OXSR1: variants seen among roughly 807,000 people sequenced by gnomAD.
The protein encoded by OXSR1 is oxidative stress responsive kinase 1, also known as serine/threonine-protein kinase OSR1.
In OXSR1, 24 loss-of-function variants were observed where a neutral mutation model predicts 79.8. The observed-to-expected ratio is 0.30, with a 90% confidence interval of 0.22 to 0.42. The LOEUF (loss-of-function observed/expected upper bound fraction) is 0.42. Ranked by LOEUF, OXSR1 falls within the 10% of genes least tolerant of loss-of-function variation. OXSR1 has a pLI of 1.00. For missense variants in OXSR1, 430 were observed against 618.4 expected, an observed-to-expected ratio of 0.70 and a Z score of 3.23; for synonymous variants, 226 against 209.2, an observed-to-expected ratio of 1.08 and a Z score of -0.69.
rs1701443313 is a variant in OXSR1 at position 38,165,966 on chromosome 3, A to AG, written c.70+26dup. ...TGATCGGTGAGAGCAGGCGCTGCGGAGGGGGGAGGCGCGGCGCTGGGAGGC... is the reference window on the plus strand; with the variant it reads ...TGATCGGTGAGAGCAGGCGCTGCGGAGGGGGGGAGGCGCGGCGCTGGGAGGC... On this transcript the variant is annotated intron_variant, in intron 1 of 17. Coordinates refer to ENST00000311806, the MANE Select transcript of OXSR1 (RefSeq NM_005109.3). The AG allele has an allele frequency of 1.3e-6, 2 of 1,598,616 alleles. No homozygotes were observed. The highest frequency in any genetic ancestry group is 3.4e-5 in the Admixed American group (2 of 59,500).
intron 1 of OXSR1, among the ~76,000 whole-genome samples, chr3:38,171,422 A>G (rs1370206437): frequency 6.6e-6 from 1 of 152,242 alleles, no homozygotes; most frequent in East Asian, 1.9e-4. Flanking sequence ...TTGTTTTCAA[A>G]GGATTGTATT....
chr3:38,241,610 T>TAGAA (rs1400290269), intron 11 of OXSR1, among the ~76,000 whole-genome samples: 55 of 152,116 alleles, frequency 3.6e-4, no homozygotes, highest in African/African-American at 1.3e-3. Context: ...AAAATATATT[T>TAGAA]AGAAAGAGAA....
At chr3:38,241,571 T>C (rs1486811822) in intron 11 of OXSR1, among the ~76,000 whole-genome samples, 1 of 152,098 alleles carries the variant, frequency 6.6e-6, no homozygotes, top group Admixed American at 6.6e-5. Flanking sequence ...AGCCATGATA[T>C]ATGCAACTTA....
intron 10 of OXSR1, among the ~76,000 whole-genome samples, chr3:38,234,450 A>C (rs1702877354): frequency 6.6e-6 from 1 of 152,230 alleles, no homozygotes; most frequent in African/African-American, 2.4e-5. Flanking sequence ...TCTGAATAGA[A>C]ACTTCTTGAA....
chr3:38,205,552 A>G (rs1702250089), intron 4 of OXSR1, among the ~76,000 whole-genome samples: 2 of 152,164 alleles, frequency 1.3e-5, no homozygotes, highest in Non-Finnish European at 2.9e-5. Flanking sequence ...GGCCAAGAAT[A>G]TGTTCGTCTC....
intron 1 of OXSR1, among the ~76,000 whole-genome samples, chr3:38,178,620 ATTTTTT>A (rs71085303): frequency 3.0e-3 from 286 of 95,098 alleles, no homozygotes; most frequent in African/African-American, 0.012. Flanking sequence ...ATATATATAT[ATTTTTT>A]TTTTTTTTTT....
intron 4 of OXSR1, among the ~76,000 whole-genome samples, chr3:38,206,584 C>T (rs2125825403): frequency 6.6e-6 from 1 of 150,914 alleles, no homozygotes; most frequent in South Asian, 2.1e-4. Flanking sequence ...TATAGAAACT[C>T]TAGATATGTA....
intron 14 of OXSR1, among the ~76,000 whole-genome samples, chr3:38,249,631 C>T (rs1342794009): frequency 6.6e-6 from 1 of 152,100 alleles, no homozygotes; most frequent in African/African-American, 2.4e-5. Flanking sequence ...ATTTTAATCA[C>T]ACCTCCCTGT....
At chr3:38,198,579 T>C in intron 3 of OXSR1, 143 bp from the exon 4 acceptor site, 1 of 558,268 alleles carries the variant, frequency 1.8e-6, no homozygotes, top group Non-Finnish European at 3.1e-6. Context: ...TTTAAACTTC[T>C]GTATTTCCTC....
chr3:38,174,053 A>G (rs1353473969), intron 1 of OXSR1, among the ~76,000 whole-genome samples: 1 of 152,226 alleles, frequency 6.6e-6, no homozygotes, highest in Non-Finnish European at 1.5e-5. Flanking sequence ...CTGAAGCAGA[A>G]GCATGCTAAT....
At chr3:38,203,278 G>A (rs373773467) in intron 4 of OXSR1, among the ~76,000 whole-genome samples, 18 of 152,144 alleles carry the variant, frequency 1.2e-4, no homozygotes, top group African/African-American at 4.1e-4. Flanking sequence ...TTATCACTTA[G>A]AAGATTCACC....
chr3:38,252,612 A>G (rs1703280929), intron 17 of OXSR1, among the ~76,000 whole-genome samples: 1 of 151,998 alleles, frequency 6.6e-6, no homozygotes. Context: ...TTGGCTATTC[A>G]TAAGAGAAAC....
chr3:38,217,583 A>G (rs1226225008), intron 5 of OXSR1, among the ~76,000 whole-genome samples: 1 of 152,126 alleles, frequency 6.6e-6, no homozygotes, highest in Non-Finnish European at 1.5e-5. Context: ...GCTGGAGTGC[A>G]GTGGTGCACT....
chr3:38,243,002 AGTT>A (rs1207460950), intron 12 of OXSR1, among the ~76,000 whole-genome samples: 1 of 149,880 alleles, frequency 6.7e-6, no homozygotes, highest in East Asian at 1.9e-4. Context: ...GGAAGTGAAA[AGTT>A]ATTTATTTAT....
At chr3:38,250,400 G>A (rs967920389) in intron 15 of OXSR1, among the ~76,000 whole-genome samples, 2 of 152,138 alleles carry the variant, frequency 1.3e-5, no homozygotes, top group African/African-American at 2.4e-5. Flanking sequence ...GCTGGAAAGA[G>A]GTATAGCTGG....
At chr3:38,246,934 T>G (rs2125854001) in intron 13 of OXSR1, among the ~76,000 whole-genome samples, 1 of 152,104 alleles carries the variant, frequency 6.6e-6, no homozygotes, top group African/African-American at 2.4e-5. Flanking sequence ...ACGTTTTAGA[T>G]GAAAAGAAAT....
chr3:38,227,148 G>A (rs1297268332), intron 8 of OXSR1, among the ~76,000 whole-genome samples: 2 of 152,034 alleles, frequency 1.3e-5, no homozygotes, highest in Non-Finnish European at 2.9e-5. Flanking sequence ...AAAATAACAC[G>A]CACAATGGAC....
At chr3:38,208,959 AGT>A (rs144109114) in intron 4 of OXSR1, among the ~76,000 whole-genome samples, 3,466 of 146,914 alleles carry the variant, frequency 0.024, 55 homozygotes, top group Middle Eastern at 0.054. Flanking sequence ...CCAGTTAAGG[AGT>A]GTGTGTGTGT....
At chr3:38,227,429 A>C (rs781217015) in intron 8 of OXSR1, among the ~76,000 whole-genome samples, 47 of 152,130 alleles carry the variant, frequency 3.1e-4, no homozygotes, top group Non-Finnish European at 6.2e-4. Context: ...AGACTACACT[A>C]TACTGAGGAA....
Sources: allele counts gnomAD v4.1 joint callset (sites outside exome capture counted in the v4.1 genomes callset), GRCh38; gene constraint gnomAD v4.1.1; transcripts MANE v1.5; gene names NCBI Gene and HGNC (gene_info 2026-07-23, HGNC 2026-07-21).